Variants in PABPC4L observed in about 807,000 individuals in gnomAD.
PABPC4L encodes the protein poly(A) binding protein cytoplasmic 4 like.
For missense variants in PABPC4L, 452 were observed against 451.4 expected, an observed-to-expected ratio of 1.00 and a Z score of -0.01; for synonymous variants, 169 against 164.1, an observed-to-expected ratio of 1.03 and a Z score of -0.23.
the PABPC4L span, among the ~76,000 whole-genome samples, chr4:134,135,225 T>C: frequency 6.6e-6 from 1 of 152,054 alleles, no homozygotes; most frequent in East Asian, 1.9e-4. Context: ...TTTTTTTCTG[T>C]TCATGATTTT....
At chr4:134,151,796 A>G in the PABPC4L span, among the ~76,000 whole-genome samples, 1 of 151,946 alleles carries the variant, frequency 6.6e-6, no homozygotes, top group Non-Finnish European at 1.5e-5. Context: ...ATACTTTGAA[A>G]TGACAAAGGG....
the PABPC4L span, among the ~76,000 whole-genome samples, chr4:134,113,741 CTG>C: frequency 6.6e-6 from 1 of 151,868 alleles, no homozygotes; most frequent in East Asian, 1.9e-4. Context: ...GATGCTTGAA[CTG>C]TGTGGTTGAA....
At chr4:134,129,167 C>T in the PABPC4L span, among the ~76,000 whole-genome samples, 6 of 152,044 alleles carry the variant, frequency 3.9e-5, no homozygotes, top group South Asian at 6.2e-4. Context: ...AGCTCCCAAA[C>T]GTATAAAACA....
chr4:133,977,339 G>A, the PABPC4L span, among the ~76,000 whole-genome samples: 1 of 152,068 alleles, frequency 6.6e-6, no homozygotes, highest in African/African-American at 2.4e-5. Flanking sequence ...TTTGAAGTCA[G>A]GCAATATAAT....
the PABPC4L span, among the ~76,000 whole-genome samples, chr4:134,128,861 A>T: frequency 6.6e-6 from 1 of 152,156 alleles, no homozygotes; most frequent in Non-Finnish European, 1.5e-5. Context: ...TAAATGCTTC[A>T]CTTAAAAGAT....
At chr4:134,068,302 G>C in the PABPC4L span, among the ~76,000 whole-genome samples, 1 of 152,046 alleles carries the variant, frequency 6.6e-6, no homozygotes, top group South Asian at 2.1e-4. Context: ...TTTAATCTTT[G>C]TTGGATTAAA....
the PABPC4L span, among the ~76,000 whole-genome samples, chr4:134,182,846 T>C: frequency 6.6e-6 from 1 of 151,834 alleles, no homozygotes; most frequent in African/African-American, 2.4e-5. Flanking sequence ...CCAACAAGCA[T>C]ATAGGAAAAT....
chr4:134,160,705 ATC>A, the PABPC4L span, among the ~76,000 whole-genome samples: 1 of 151,952 alleles, frequency 6.6e-6, no homozygotes, highest in African/African-American at 2.4e-5. Context: ...GTAAGACTCC[ATC>A]TCTCTCAAAA....
chr4:134,030,460 G>A, the PABPC4L span, among the ~76,000 whole-genome samples: 2 of 151,860 alleles, frequency 1.3e-5, no homozygotes, highest in African/African-American at 4.8e-5. Context: ...TCTCTACATA[G>A]ATACACTGTC....
At chr4:134,112,405 T>C in the PABPC4L span, among the ~76,000 whole-genome samples, 1 of 151,908 alleles carries the variant, frequency 6.6e-6, no homozygotes, top group African/African-American at 2.4e-5. Flanking sequence ...GTACTCCATA[T>C]GTCAATATAC....
At chr4:134,023,513 T>C in the PABPC4L span, among the ~76,000 whole-genome samples, 1 of 152,150 alleles carries the variant, frequency 6.6e-6, no homozygotes, top group Non-Finnish European at 1.5e-5. Flanking sequence ...GTTGTGAAAA[T>C]GTATGTGCCC....
chr4:134,060,266 G>A, the PABPC4L span, among the ~76,000 whole-genome samples: 52,371 of 151,544 alleles, frequency 0.35, 10,959 homozygotes, highest in East Asian at 0.92. Flanking sequence ...AGGCTGTCTA[G>A]GCAATAAGGA....
the PABPC4L span, among the ~76,000 whole-genome samples, chr4:133,992,406 C>T: frequency 6.6e-6 from 1 of 152,182 alleles, no homozygotes; most frequent in Non-Finnish European, 1.5e-5. Flanking sequence ...AAGACATTTC[C>T]TTTGCCCTTA....
the PABPC4L span, among the ~76,000 whole-genome samples, chr4:134,167,516 C>G: frequency 6.7e-4 from 102 of 151,790 alleles, no homozygotes; most frequent in African/African-American, 2.3e-3. Flanking sequence ...AAACAGGACT[C>G]AAGTATATGC....
chr4:133,968,880 T>C, the PABPC4L span, among the ~76,000 whole-genome samples: 2 of 152,174 alleles, frequency 1.3e-5, no homozygotes, highest in Non-Finnish European at 2.9e-5. Context: ...AATGGCAATA[T>C]TTAATTTTTC....
chr4:133,961,252 C>T, the PABPC4L span, among the ~76,000 whole-genome samples: 4 of 152,314 alleles, frequency 2.6e-5, no homozygotes, highest in East Asian at 7.7e-4. Context: ...GTGCAGCCAA[C>T]TCCCAGTACC....
the PABPC4L span, among the ~76,000 whole-genome samples, chr4:134,180,129 T>A: frequency 7.2e-5 from 11 of 151,820 alleles, no homozygotes; most frequent in African/African-American, 2.7e-4. Context: ...TGTAAAATTG[T>A]CCACAGAATT....
chr4:134,093,551 A>C, the PABPC4L span, among the ~76,000 whole-genome samples: 1 of 141,762 alleles, frequency 7.1e-6, no homozygotes, highest in African/African-American at 2.6e-5. Flanking sequence ...AGGACCCTTT[A>C]TTTCTTTTCT....
chr4:134,110,506 C>T, the PABPC4L span, among the ~76,000 whole-genome samples: 34 of 150,748 alleles, frequency 2.3e-4, no homozygotes, highest in South Asian at 4.6e-3. Flanking sequence ...TAGAAAAGTA[C>T]AATAAAATCC....
Sources: allele counts gnomAD v4.1 joint callset (sites outside exome capture counted in the v4.1 genomes callset), GRCh38; gene constraint gnomAD v4.1.1; transcripts MANE v1.5; gene names NCBI Gene and HGNC (gene_info 2026-07-23, HGNC 2026-07-21).